The following OXTR variants were observed in gnomAD, a reference collection of about 807,000 sequenced individuals.
OXTR encodes oxytocin receptor.
A neutral mutation model predicts 23.9 loss-of-function variants in OXTR; 19 were observed. The observed-to-expected ratio is 0.80, with a 90% CI of 0.56 to 1.17. The LOEUF is 1.17. Among genes scored for constraint, OXTR ranks in the 50% most tolerant of loss-of-function variants. The pLI, the probability that OXTR is intolerant of heterozygous loss-of-function variation, is 0.00. For synonymous variants in OXTR, 278 were observed against 250.5 expected (o/e 1.11, Z -1.04); for missense variants, 500 against 550.7 (o/e 0.91, Z 0.92).
At chr3:8,758,571 A>G (rs1306376102) in intron 3 of OXTR, among the ~76,000 whole-genome samples, 2 of 152,214 alleles carry the variant, frequency 1.3e-5, no homozygotes, top group Non-Finnish European at 2.9e-5. Context: ...TTTTGAATGT[A>G]TGCTTATAGA....
chr3:8,759,667 T>C (rs774472653), intron 3 of OXTR, among the ~76,000 whole-genome samples: 1 of 151,960 alleles, frequency 6.6e-6, no homozygotes, highest in Non-Finnish European at 1.5e-5. Context: ...TATGGTCAGG[T>C]GGAGAGAAAG....
chr3:8,758,086 G>A (rs1190345919), intron 3 of OXTR, among the ~76,000 whole-genome samples: 6 of 152,026 alleles, frequency 3.9e-5, no homozygotes, highest in African/African-American at 1.2e-4. Context: ...CACACCAAAC[G>A]CCAACATCCC....
At chr3:8,748,580 A>AT, downstream of OXTR, among the ~76,000 whole-genome samples, 1 of 152,326 alleles carries the variant, frequency 6.6e-6, no homozygotes, top group African/African-American at 2.4e-5. Context: ...AAAGCAATGT[A>AT]TGGAAACAAA....
At chr3:8,755,928 C>T (rs1045527036) in intron 3 of OXTR, among the ~76,000 whole-genome samples, 1 of 151,992 alleles carries the variant, frequency 6.6e-6, no homozygotes, top group African/African-American at 2.4e-5. Flanking sequence ...AGGGACTTCC[C>T]GGGAGGCAAG....
At chr3:8,753,322 A>C (rs1033263804) in intron 3 of OXTR, 98 bp from the exon 4 acceptor site, 150 of 1,390,544 alleles carry the variant, frequency 1.1e-4, no homozygotes, top group Non-Finnish European at 1.3e-4. Flanking sequence ...CCTGAGCGAC[A>C]GCCTTGTCCA....
At chr3:8,758,633 G>A (rs994554043) in intron 3 of OXTR, among the ~76,000 whole-genome samples, 5 of 152,118 alleles carry the variant, frequency 3.3e-5, no homozygotes, top group Non-Finnish European at 7.4e-5. Context: ...AAAGACCATC[G>A]TTTTACAACT....
chr3:8,741,676 AC>A, the OXTR span, among the ~76,000 whole-genome samples: 1 of 151,952 alleles, frequency 6.6e-6, no homozygotes, highest in Non-Finnish European at 1.5e-5. Context: ...CTATTTCCCC[AC>A]CCACAGATAT....
chr3:8,763,729 A>C (rs1432055785), intron 3 of OXTR, among the ~76,000 whole-genome samples: 1 of 152,228 alleles, frequency 6.6e-6, no homozygotes, highest in East Asian at 1.9e-4. Flanking sequence ...GCTGCTTTGA[A>C]GAATGGATCT....
downstream of OXTR, chr3:8,745,887 G>A (rs137946394): frequency 2.1e-4 from 331 of 1,600,198 alleles, 4 homozygotes; most frequent in African/African-American, 3.7e-3. The surrounding 1 kb of genome is among the most constrained non-coding windows in gnomAD (Gnocchi z 4.8). Context: ...GGGCAACAGC[G>A]GTGGCAGGGC....
rs1708689973 is a variant in OXTR at position 8,768,429 on chromosome 3, A to T, written c.-143+67T>A. On this transcript the variant is annotated intron_variant, in intron 2 of 3. Coordinates refer to ENST00000316793, the MANE Select transcript of OXTR (RefSeq NM_000916.4). The surrounding 1 kb of genome is among the most constrained non-coding windows in gnomAD (Gnocchi z 5.4). ...TTCCCAGGAACCCAACTCATCTGAA[A>T]CAACAGGGCACAACCGCCGGCCTCG... is the stretch of plus-strand genomic sequence containing the variant. 7 of 492,964 alleles carry T rather than the reference A, an allele frequency of 1.4e-5. No individual in the cohort carries two copies. Among genetic ancestry groups the T allele is most frequent in the Non-Finnish European group, 2.1e-5 (7 of 327,302 alleles). 30.5% of individuals were successfully genotyped at this position (492,964 alleles called of 1,614,324 possible). A position where few individuals can be genotyped will look rare whatever the true frequency, so the allele number is the denominator to read the frequency against.
At chr3:8,742,605 G>A in the OXTR span, 4 of 449,134 alleles carry the variant, frequency 8.9e-6, no homozygotes, top group South Asian at 1.6e-5. Flanking sequence ...CAGAGCACCT[G>A]AAGGAATAAT....
intron 3 of OXTR, among the ~76,000 whole-genome samples, chr3:8,759,560 C>T (rs1009712268): frequency 6.6e-6 from 1 of 152,208 alleles, no homozygotes; most frequent in African/African-American, 2.4e-5. Flanking sequence ...GGAAGGGCTA[C>T]AAATAATTTC....
chr3:8,745,814 G>A, downstream of OXTR: 1 of 1,613,752 alleles, frequency 6.2e-7, no homozygotes, highest in Non-Finnish European at 8.5e-7. This position sits in a 1 kb window ranked among gnomAD's most constrained non-coding sequence, Gnocchi z 4.8. Flanking sequence ...ACTCTTCGCG[G>A]CCCTGGGCCA....
chr3:8,765,614 A>T lies in OXTR; in HGVS notation c.922+1652T>A, dbSNP rs543336712. Among the ~76,000 whole-genome samples the T allele has an allele frequency of 3.3e-5, 5 of 152,302 alleles. No individual in the cohort carries two copies. In the East Asian group the frequency reaches 9.6e-4, roughly 29 times the overall value. On this transcript the variant is annotated intron_variant, in intron 3 of 3. Transcript: ENST00000316793. ...GGTGTTCGAGCTCCTCAAGACCTGG[A>T]TCTGGTTTCTTCAGATCTGCCCAGG... is the stretch of plus-strand genomic sequence containing the variant.
At chr3:8,743,455 A>T in the OXTR span, among the ~76,000 whole-genome samples, 1 of 152,150 alleles carries the variant, frequency 6.6e-6, no homozygotes, top group Non-Finnish European at 1.5e-5. Flanking sequence ...TCCTGAGAAG[A>T]TGAGGCCCAT....
chr3:8,761,364 A>G (rs763539121), intron 3 of OXTR, among the ~76,000 whole-genome samples: 1 of 152,120 alleles, frequency 6.6e-6, no homozygotes, highest in Non-Finnish European at 1.5e-5. Flanking sequence ...GAAGAGCCCA[A>G]GATGTCAGGA....
chr3:8,759,456 A>G (rs1473722194), intron 3 of OXTR, among the ~76,000 whole-genome samples: 1 of 152,220 alleles, frequency 6.6e-6, no homozygotes, highest in East Asian at 1.9e-4. Context: ...GCTACTGGAA[A>G]ATAGGAAGAG....
intron 3 of OXTR, among the ~76,000 whole-genome samples, chr3:8,759,050 A>G (rs745710595): frequency 3.3e-5 from 5 of 152,236 alleles, no homozygotes; most frequent in Non-Finnish European, 7.3e-5. Flanking sequence ...GCCCCACCCC[A>G]GACCTACTGA....
intron 3 of OXTR, 148 bp from the exon 4 acceptor site, chr3:8,753,372 G>T: frequency 2.0e-6 from 2 of 976,108 alleles, no homozygotes; most frequent in Non-Finnish European, 3.0e-6. Flanking sequence ...TACTAAAGAG[G>T]CAAAGTTTGT....
Sources: allele counts gnomAD v4.1 joint callset (sites outside exome capture counted in the v4.1 genomes callset), GRCh38; gene constraint gnomAD v4.1.1; non-coding constraint Gnocchi (gnomAD v3.1); transcripts MANE v1.5; gene names NCBI Gene and HGNC (gene_info 2026-07-23, HGNC 2026-07-21).